PNPLA1: variants seen among roughly 807,000 people sequenced by gnomAD.
PNPLA1 encodes the protein omega-hydroxyceramide transacylase.
A neutral mutation model predicts 51.7 loss-of-function variants in PNPLA1; 36 were observed. That is an observed-to-expected ratio of 0.70 (90% CI 0.53 to 0.92). The LOEUF (loss-of-function observed/expected upper bound fraction) is 0.92. Among genes scored for constraint, PNPLA1 ranks in the 40% least tolerant of loss-of-function variants. The pLI, the probability that PNPLA1 is intolerant of heterozygous loss-of-function variation, is 0.00. For synonymous variants in PNPLA1, 293 were observed against 280.1 expected (o/e 1.05, Z -0.46); for missense variants, 658 against 682.5 (o/e 0.96, Z 0.40).
rs752011907 is a variant in PNPLA1, at chr6:36,301,974, C to T, written c.889C>T (p.Leu297Phe). Residue 297 changes from leucine to phenylalanine, a missense_variant, in exon 6 of 9, where the codon CTT becomes TTT. Physicochemically the swap from Leu to Phe is conservative, Grantham distance 22. Transcript: ENST00000636260. ...NECPERSQPS[L>F]RARQASLEGA... ...GTGCCCTGAACGCAGTCAACCAAGC[C>T]TTCGAGCACGGCAGGCCAGTCTGGA... The T allele has an allele frequency of 6.2e-6, 10 of 1,614,200 alleles. No homozygotes were observed. In the East Asian group the frequency reaches 2.2e-4, roughly 36 times the overall value.
intron 8 of PNPLA1, among the ~76,000 whole-genome samples, chr6:36,311,106 C>G (rs966332265): frequency 6.6e-6 from 1 of 152,214 alleles, no homozygotes; most frequent in Non-Finnish European, 1.5e-5. Flanking sequence ...CCTGCACCTA[C>G]TGAATCGGAA....
At chr6:36,300,178 T>TGTGTGTGTGTGTGTGA in intron 5 of PNPLA1, among the ~76,000 whole-genome samples, 1 of 98,088 alleles carries the variant, frequency 1.0e-5, no homozygotes, top group African/African-American at 3.3e-5. Context: ...TGTGTGTGTG[T>TGTGTGTGTGTGTGTGA]GAGAGAGAGA....
At chr6:36,246,238 T>G (rs1769279090) in intron 1 of PNPLA1, among the ~76,000 whole-genome samples, 1 of 151,942 alleles carries the variant, frequency 6.6e-6, no homozygotes, top group Non-Finnish European at 1.5e-5. Flanking sequence ...GAGGTCTTAC[T>G]CTGTCACCCA....
At chr6:36,251,918 C>A (rs1304662566) in intron 1 of PNPLA1, among the ~76,000 whole-genome samples, 1 of 152,098 alleles carries the variant, frequency 6.6e-6, no homozygotes, top group Non-Finnish European at 1.5e-5. Flanking sequence ...GTACTTCAGC[C>A]TGGATGACAG....
chr6:36,305,832 C>A (rs1360741840), intron 6 of PNPLA1, among the ~76,000 whole-genome samples: 1 of 141,872 alleles, frequency 7.0e-6, no homozygotes, highest in Non-Finnish European at 1.5e-5. Flanking sequence ...CGGCTCACTG[C>A]ACTCTCAACT....
chr6:36,293,175 G>A lies in PNPLA1; in HGVS notation c.504+49G>A, dbSNP rs567992787. 2.1e-5 allele frequency: 33 copies of A among 1,556,986 alleles called. 1 individual carries two copies. The highest frequency in any genetic ancestry group is 1.0e-4 in the South Asian group (9 of 89,794). The stretch of plus-strand genomic sequence containing the variant: ...GGTGAGATGGGATCCAAGGGACCTC[G>A]GGTCCCTGTGACTCACACCTGGGGG... On this transcript the variant is annotated intron_variant, in intron 3 of 8. Transcript: ENST00000636260.
intron 1 of PNPLA1, among the ~76,000 whole-genome samples, chr6:36,244,678 T>C (rs1343612018): frequency 2.0e-5 from 3 of 152,200 alleles, no homozygotes; most frequent in Non-Finnish European, 4.4e-5. Context: ...GTGCCATTCG[T>C]TAGCTTCTCC....
chr6:36,254,348 G>A (rs2127313742), intron 1 of PNPLA1, among the ~76,000 whole-genome samples: 1 of 152,264 alleles, frequency 6.6e-6, no homozygotes, highest in Admixed American at 6.5e-5. Flanking sequence ...ACTGAGGTGG[G>A]AGGATTGCCT....
chr6:36,267,803 G>A (rs1769798492), upstream of PNPLA1, among the ~76,000 whole-genome samples: 1 of 151,958 alleles, frequency 6.6e-6, no homozygotes, highest in Non-Finnish European at 1.5e-5. Flanking sequence ...CATGGATAGT[G>A]CCCATGTCTT....
At position 36,291,459 on chromosome 6, in the gene PNPLA1, C is replaced by T. The variant is rs753197568; in HGVS notation, c.345C>T (p.Val115=). The change falls in exon 2 of 9, where the codon GTC becomes GTT. Residue 115 remains valine, a synonymous_variant. Transcript: ENST00000636260. ...YRVLPEDSYK[V]TTGKLHVSLT... is the part of the protein sequence containing the mutation. ...TCCTGCCCGAGGACTCCTACAAGGT[C>T]ACCACGGGGAAGCTCCATGTGAGCC... 6 of 1,613,906 alleles carry T rather than the reference C, an allele frequency of 3.7e-6. No individual in the cohort carries two copies. The African/African-American group carries it at 5.3e-5, about 14-fold the overall frequency.
chr6:36,274,170 T>A (rs1276007120), intron 1 of PNPLA1, among the ~76,000 whole-genome samples: 1 of 152,232 alleles, frequency 6.6e-6, no homozygotes, highest in African/African-American at 2.4e-5. Flanking sequence ...AAACTGTTAT[T>A]ATCCCCATTT....
chr6:36,246,210 T>C (rs1350536600), intron 1 of PNPLA1, among the ~76,000 whole-genome samples: 10 of 151,680 alleles, frequency 6.6e-5, no homozygotes, highest in Non-Finnish European at 1.2e-4. Flanking sequence ...CCCACATTTT[T>C]GGATTTTTTT....
chr6:36,267,546 C>T (rs1292759931), upstream of PNPLA1, among the ~76,000 whole-genome samples: 7 of 152,270 alleles, frequency 4.6e-5, no homozygotes, highest in African/African-American at 1.2e-4. Context: ...GTGGGGACAA[C>T]GGGGGCCATG....
intron 1 of PNPLA1, among the ~76,000 whole-genome samples, chr6:36,247,392 C>G (rs1160815144): frequency 6.6e-6 from 1 of 152,230 alleles, no homozygotes; most frequent in Non-Finnish European, 1.5e-5. Flanking sequence ...AGTTCTCCGC[C>G]AACTCTGCCT....
intron 2 of PNPLA1, among the ~76,000 whole-genome samples, chr6:36,292,109 G>A (rs530447514): frequency 9.8e-5 from 15 of 152,288 alleles, no homozygotes; most frequent in Admixed American, 2.6e-4. Flanking sequence ...GGAAAGGGCC[G>A]CAGGTAGGTC....
At chr6:36,249,640 T>C (rs912130139) in intron 1 of PNPLA1, among the ~76,000 whole-genome samples, 1 of 152,216 alleles carries the variant, frequency 6.6e-6, no homozygotes, top group Non-Finnish European at 1.5e-5. Flanking sequence ...ACCACGTAAG[T>C]GAAGGATTTG....
chr6:36,263,059 C>T (rs566459297), intron 1 of PNPLA1, among the ~76,000 whole-genome samples: 1 of 152,124 alleles, frequency 6.6e-6, no homozygotes, highest in African/African-American at 2.4e-5. Flanking sequence ...ATAGCTTAGG[C>T]TTGATGGTCA....
upstream of PNPLA1, among the ~76,000 whole-genome samples, chr6:36,268,194 C>G (rs1769807291): frequency 6.6e-6 from 1 of 152,162 alleles, no homozygotes; most frequent in African/African-American, 2.4e-5. Context: ...TTGGACCCTG[C>G]CTTTCTATTC....
chr6:36,291,559 GGGC>G lies in PNPLA1; in HGVS notation c.438+8_438+10del. The G allele has an allele frequency of 7.1e-7, 1 of 1,407,384 alleles. No individual in the cohort carries two copies. The highest frequency in any genetic ancestry group is 9.9e-7 in the Non-Finnish European group (1 of 1,010,574). The allele number at this position is 1,407,384 out of a possible 1,614,324, so 87.2% of individuals were successfully genotyped here. ...CAAGGAGGAGCTCATTGAGGCAAGG[GGGC>G]TGGGCTGGGAGGGAGGGACACGGAG... On this transcript the variant is annotated splice_region_variant and intron_variant, in intron 2 of 8. Coordinates refer to ENST00000636260, the MANE Select transcript of PNPLA1 (RefSeq NM_001374623.1).
Sources: allele counts gnomAD v4.1 joint callset (sites outside exome capture counted in the v4.1 genomes callset), GRCh38; gene constraint gnomAD v4.1.1; transcripts MANE v1.5; gene names NCBI Gene and HGNC (gene_info 2026-07-23, HGNC 2026-07-21).